ESR1: variants seen among roughly 807,000 people sequenced by gnomAD.
ESR1 encodes the protein estrogen receptor.
In ESR1, 12 loss-of-function variants were observed where a neutral mutation model predicts 52.7. That is an observed-to-expected ratio of 0.23 (90% CI 0.15 to 0.37). The LOEUF is 0.37. Among genes scored for constraint, ESR1 ranks in the 10% least tolerant of loss-of-function variants. The pLI is 1.00. For missense variants in ESR1, 584 were observed against 779.7 expected, an observed-to-expected ratio of 0.75 and a Z score of 2.99; for synonymous variants, 305 against 316.8, an observed-to-expected ratio of 0.96 and a Z score of 0.39.
At chr6:151,802,992 C>CAA (rs34766229), upstream of ESR1, among the ~76,000 whole-genome samples, 12 of 120,802 alleles carry the variant, frequency 9.9e-5, no homozygotes, top group Middle Eastern at 0.015. Context: ...AACTCTGTCT[C>CAA]AAAAAAAAAA....
Position 152,061,056 on chromosome 6 carries a change from G to A in ESR1, c.1301G>A (p.Arg434Gln), listed in dbSNP as rs1356474609. 1.9e-6 allele frequency: 3 copies of A among 1,613,422 alleles called. No homozygotes were observed. Among genetic ancestry groups the A allele is most frequent in the African/African-American group, 1.3e-5 (1 of 74,862 alleles). The change falls in exon 6 of 8, where the codon CGG becomes CAG. Residue 434 changes from arginine to glutamine, a missense_variant. Physicochemically the swap from Arg to Gln is conservative, Grantham distance 43. Coordinates refer to ENST00000206249, the MANE Select transcript of ESR1 (RefSeq NM_000125.4). The surrounding 1 kb of genome is among the most constrained non-coding windows in gnomAD (Gnocchi z 4.3). ...IFDMLLATSS[R>Q]FRMMNLQGEE... ...GACATGCTGCTGGCTACATCATCTC[G>A]GTTCCGCATGATGAATCTGCAGGGA...
intron 2 of ESR1, among the ~76,000 whole-genome samples, chr6:151,747,766 T>A (rs1340995965): frequency 6.6e-6 from 1 of 152,224 alleles, no homozygotes; most frequent in Non-Finnish European, 1.5e-5. Flanking sequence ...TTATTTCATT[T>A]AGTATAGTGT....
intron 2 of ESR1, among the ~76,000 whole-genome samples, chr6:151,864,456 G>A (rs557854510): frequency 4.6e-5 from 7 of 152,288 alleles, no homozygotes; most frequent in Non-Finnish European, 8.8e-5. Context: ...TGGAGAGGAT[G>A]TGGAGAAATA....
upstream of ESR1, among the ~76,000 whole-genome samples, chr6:151,801,474 AC>A (rs1777237958): frequency 1.3e-5 from 2 of 152,202 alleles, no homozygotes; most frequent in Non-Finnish European, 2.9e-5. Context: ...CTGCCTGACA[AC>A]CAAAAAATTC....
chr6:151,665,078 A>T (rs914125797), intron 1 of ESR1, among the ~76,000 whole-genome samples: 8 of 152,238 alleles, frequency 5.3e-5, no homozygotes, highest in African/African-American at 1.7e-4. Context: ...AGTGATAAAA[A>T]TCAAATCAAG....
intron 4 of ESR1, among the ~76,000 whole-genome samples, chr6:151,966,952 G>A (rs1584522682): frequency 6.6e-6 from 1 of 152,088 alleles, no homozygotes; most frequent in African/African-American, 2.4e-5. Context: ...ACTGTAGTGG[G>A]ACAAGCAAAT....
intron 5 of ESR1, among the ~76,000 whole-genome samples, chr6:152,043,698 T>C (rs2045990144): frequency 6.6e-6 from 1 of 152,192 alleles, no homozygotes; most frequent in Non-Finnish European, 1.5e-5. Flanking sequence ...GGAGGGGATG[T>C]TGCCTCCCCT....
chr6:152,014,263 T>C (rs909531184), intron 5 of ESR1, among the ~76,000 whole-genome samples: 2 of 151,948 alleles, frequency 1.3e-5, no homozygotes, highest in South Asian at 4.2e-4. Context: ...AGGGGCTGTC[T>C]TGTGCATTTT....
upstream of ESR1, among the ~76,000 whole-genome samples, chr6:151,803,734 A>G (rs1777499581): frequency 6.6e-6 from 1 of 152,262 alleles, no homozygotes; most frequent in East Asian, 1.9e-4. Context: ...ATGCAATGGA[A>G]AAAGAGAGAT....
intron 1 of ESR1, among the ~76,000 whole-genome samples, chr6:151,822,758 A>C (rs1004436500): frequency 1.3e-5 from 2 of 152,214 alleles, no homozygotes; most frequent in East Asian, 3.8e-4. Context: ...CAGAAGGTTC[A>C]TTAGCTTGTT....
chr6:151,769,649 G>T (rs1044206952), intron 2 of ESR1, among the ~76,000 whole-genome samples: 8 of 152,212 alleles, frequency 5.3e-5, no homozygotes, highest in East Asian at 1.9e-4. Flanking sequence ...ACTGGGCTAC[G>T]CAGGGGCTAG....
At chr6:151,811,364 A>C (rs538601055) in intron 1 of ESR1, 1 of 152,334 alleles carries the variant, frequency 6.6e-6, no homozygotes, top group Non-Finnish European at 1.5e-5. Flanking sequence ...TTTGAATAAA[A>C]CTAAAGATGA....
intron 6 of ESR1, among the ~76,000 whole-genome samples, chr6:152,090,713 T>A (rs2050112786): frequency 1.3e-5 from 2 of 152,086 alleles, no homozygotes; most frequent in Non-Finnish European, 2.9e-5. Flanking sequence ...GAAGGGAGAA[T>A]GTCCAAGCAA....
chr6:151,955,219 T>C (rs2128570834), intron 4 of ESR1, among the ~76,000 whole-genome samples: 1 of 152,322 alleles, frequency 6.6e-6, no homozygotes. Context: ...TAATTTCTGA[T>C]TTGCTTTGCC....
upstream of ESR1, chr6:151,805,289 G>A (rs1420414405): frequency 6.6e-6 from 1 of 152,136 alleles, no homozygotes; most frequent in Non-Finnish European, 1.5e-5. Flanking sequence ...GGCTTTTATT[G>A]TTAAATTATA....
At chr6:151,738,082 C>T (rs1233341682) in intron 2 of ESR1, among the ~76,000 whole-genome samples, 1 of 152,084 alleles carries the variant, frequency 6.6e-6, no homozygotes, top group East Asian at 1.9e-4. Flanking sequence ...TTTTATTTCA[C>T]ATTTCATTGT....
intron 2 of ESR1, among the ~76,000 whole-genome samples, chr6:151,853,199 GAGAAAGAAAGAAAGAAGGAAAA>G (rs1787184990): frequency 2.2e-5 from 2 of 89,632 alleles, no homozygotes; most frequent in African/African-American, 8.7e-5. Context: ...AAAAAAAAAA[GAGAAAGAAAGAAAGAAGGAAAA>G]AGAAAGAAAG....
chr6:151,938,209 T>C (rs2034604980), intron 3 of ESR1, among the ~76,000 whole-genome samples: 1 of 152,168 alleles, frequency 6.6e-6, no homozygotes, highest in African/African-American at 2.4e-5. Context: ...TTATACTAGT[T>C]TTTTTTCTGG....
chr6:151,964,718 T>G (rs1415308460), intron 4 of ESR1, among the ~76,000 whole-genome samples: 1 of 151,966 alleles, frequency 6.6e-6, no homozygotes, highest in Non-Finnish European at 1.5e-5. Flanking sequence ...CTCCACTCAC[T>G]GCAAGCTCTG....
Sources: gnomAD v4.1 joint callset for allele counts (sites outside exome capture counted in the v4.1 genomes callset) on GRCh38, gnomAD v4.1.1 for gene constraint, Gnocchi (gnomAD v3.1) non-coding constraint, MANE v1.5 for transcripts, NCBI Gene and HGNC (gene_info 2026-07-23, HGNC 2026-07-21) for gene names.